PLPP4: variants seen among roughly 807,000 people sequenced by gnomAD.
The protein encoded by PLPP4 is phospholipid phosphatase 4.
PLPP4 carries 20 observed loss-of-function variants against 32.2 expected under a neutral mutation model. That is an observed-to-expected ratio of 0.62 (90% CI 0.44 to 0.90). The LOEUF (loss-of-function observed/expected upper bound fraction) is 0.90, where lower values mean the gene tolerates loss of function less well. Ranked by LOEUF, PLPP4 falls within the 40% of genes least tolerant of loss-of-function variation. PLPP4 has a pLI of 0.00. For missense variants in PLPP4, 257 were observed against 353.1 expected, an observed-to-expected ratio of 0.73 and a Z score of 2.18; for synonymous variants, 127 against 133.0, an observed-to-expected ratio of 0.95 and a Z score of 0.31.
chr10:120,590,322 A>G lies in PLPP4; in HGVS notation c.*820A>G, dbSNP rs371729486. On this transcript the variant is annotated 3_prime_UTR_variant, in exon 7 of 7. Transcript: ENST00000398250. The stretch of plus-strand genomic sequence containing the variant: ...CAAGAAGTGATGTGACCGATCTCAC[A>G]GATCAGAAACCGCATGCCTGGGGCT... 2.0e-4 allele frequency among the ~76,000 whole-genome samples: 31 copies of G among 152,360 alleles called. No homozygotes were observed. The highest frequency in any genetic ancestry group is 8.3e-4 in the South Asian group (4 of 4,826).
chr10:120,476,135 G>A (rs1843895038), intron 1 of PLPP4, among the ~76,000 whole-genome samples: 1 of 152,192 alleles, frequency 6.6e-6, no homozygotes, highest in African/African-American at 2.4e-5. Context: ...TGGGTGGGAA[G>A]AATGGTGGCT....
At chr10:120,581,447 G>A (rs1305623228) in intron 6 of PLPP4, 1 of 303,660 alleles carries the variant, frequency 3.3e-6, no homozygotes, top group Admixed American at 6.5e-5. Context: ...GCCTGCGTTA[G>A]CACATGTCAC....
rs1179068011 is a variant in PLPP4 at position 120,460,999 on chromosome 10, G to T, written c.56+3638G>T. ...CATCCAGCCCCAGGCTTCCAGACTG[G>T]TGCTAAACTGACCACATCCTGTGAG... On this transcript the variant is annotated intron_variant, in intron 1 of 6. Transcript: ENST00000398250. 3.9e-5 allele frequency among the ~76,000 whole-genome samples: 6 copies of T among 152,160 alleles called. No homozygotes were observed. In the South Asian group the frequency reaches 1.2e-3, roughly 32 times the overall value.
chr10:120,543,056 G>C (rs12217738), intron 5 of PLPP4, among the ~76,000 whole-genome samples: 6,685 of 152,280 alleles, frequency 0.044, 244 homozygotes, highest in South Asian at 0.2. Context: ...CGGTGGGTGA[G>C]TGTGGGTGTG....
chr10:120,531,841 CAT>C (rs1346205160), intron 5 of PLPP4, among the ~76,000 whole-genome samples: 1 of 150,722 alleles, frequency 6.6e-6, no homozygotes, highest in Non-Finnish European at 1.5e-5. Context: ...ACACACTACA[CAT>C]ATATATGTGT....
intron 2 of PLPP4, among the ~76,000 whole-genome samples, chr10:120,504,317 G>A (rs1239692857): frequency 1.3e-5 from 2 of 152,186 alleles, no homozygotes; most frequent in Admixed American, 1.3e-4. Flanking sequence ...GTCTCCATTG[G>A]CTGGAGCCAG....
Position 120,589,574 on chromosome 10 carries a change from T to C in PLPP4, c.*72T>C. The C allele has an allele frequency of 8.3e-7, 1 of 1,204,120 alleles. No homozygotes were observed. Among genetic ancestry groups the C allele is most frequent in the Non-Finnish European group, 1.2e-6 (1 of 848,626 alleles). The allele number at this position is 1,204,120 out of a possible 1,614,324, so 74.6% of individuals were successfully genotyped here. A position where few individuals can be genotyped will look rare whatever the true frequency, so the allele number is the denominator to read the frequency against. On this transcript the variant is annotated 3_prime_UTR_variant, in exon 7 of 7. Coordinates refer to ENST00000398250, the MANE Select transcript of PLPP4 (RefSeq NM_001030059.3). Reference sequence around the variant, plus strand: ...CCCTGACATCATAACACAATAGAAATGGTTTTCTGTAGTGTATTTTTCATC... The same window carrying C: ...CCCTGACATCATAACACAATAGAAACGGTTTTCTGTAGTGTATTTTTCATC...
At chr10:120,577,859 A>T (rs1401675531) in intron 6 of PLPP4, among the ~76,000 whole-genome samples, 1 of 152,152 alleles carries the variant, frequency 6.6e-6, no homozygotes. Context: ...ATTTTACCTG[A>T]GTTCCCCTTC....
intron 4 of PLPP4, among the ~76,000 whole-genome samples, chr10:120,520,476 G>A (rs1157240589): frequency 6.6e-6 from 1 of 152,222 alleles, no homozygotes; most frequent in Admixed American, 6.5e-5. Context: ...TGAGACCTAT[G>A]GATTGGCATT....
At chr10:120,557,215 A>G (rs546476436) in intron 5 of PLPP4, among the ~76,000 whole-genome samples, 2 of 152,358 alleles carry the variant, frequency 1.3e-5, no homozygotes, top group Non-Finnish European at 2.9e-5. Flanking sequence ...CTCAAGAAAT[A>G]GCTGCATTAG....
intron 5 of PLPP4, among the ~76,000 whole-genome samples, chr10:120,537,760 A>T (rs1438368212): frequency 6.6e-6 from 1 of 152,208 alleles, no homozygotes; most frequent in African/African-American, 2.4e-5. Flanking sequence ...ATCTTTTCAC[A>T]ATAAATACAT....
intron 2 of PLPP4, among the ~76,000 whole-genome samples, chr10:120,512,932 A>G (rs1489678731): frequency 6.6e-6 from 1 of 152,220 alleles, no homozygotes; most frequent in Non-Finnish European, 1.5e-5. Flanking sequence ...TTCCAGAATT[A>G]TGAACACTAT....
rs1198936415 is a variant in PLPP4 at position 120,591,628 on chromosome 10, C to T, written c.*2126C>T. Among the ~76,000 whole-genome samples, 1 of 150,646 alleles carries T rather than the reference C, an allele frequency of 6.6e-6. No homozygotes were observed. Among genetic ancestry groups the T allele is most frequent in the Non-Finnish European group, 1.5e-5 (1 of 67,678 alleles). On this transcript the variant is annotated 3_prime_UTR_variant, in exon 7 of 7. Coordinates refer to ENST00000398250, the MANE Select transcript of PLPP4 (RefSeq NM_001030059.3). ...CCTTTGCTACTGTTAAAAAAAAAAA[C>T]CCCATCCTGATGTGGCCCACATTCT...
intron 5 of PLPP4, among the ~76,000 whole-genome samples, chr10:120,532,657 A>C (rs895690911): frequency 2.6e-5 from 4 of 152,106 alleles, no homozygotes; most frequent in Non-Finnish European, 5.9e-5. Context: ...CCAGACCTAA[A>C]CAAACATTGA....
intron 1 of PLPP4, among the ~76,000 whole-genome samples, chr10:120,496,493 A>T (rs1457244074): frequency 6.6e-6 from 1 of 152,136 alleles, no homozygotes; most frequent in Non-Finnish European, 1.5e-5. Context: ...ATTTCATGAG[A>T]CCAACTACTG....
At chr10:120,552,400 A>G (rs568133098) in intron 5 of PLPP4, among the ~76,000 whole-genome samples, 34 of 152,316 alleles carry the variant, frequency 2.2e-4, no homozygotes, top group Admixed American at 1.9e-3. Flanking sequence ...ATTGAAGCCA[A>G]AATCAGGGTG....
At chr10:120,580,221 G>A (rs1589925979) in intron 6 of PLPP4, among the ~76,000 whole-genome samples, 1 of 152,158 alleles carries the variant, frequency 6.6e-6, no homozygotes, top group South Asian at 2.1e-4. Flanking sequence ...TAAAATATAG[G>A]GTTTCTCTAA....
At chr10:120,589,201 C>A (rs1849903727) in intron 6 of PLPP4, 102 bp from the exon 7 acceptor site, 1 of 1,159,004 alleles carries the variant, frequency 8.6e-7, no homozygotes, top group Non-Finnish European at 1.3e-6. Flanking sequence ...GTAAGCAAAC[C>A]AGGTCCTAGA....
At chr10:120,504,356 G>A (rs1353178524) in intron 2 of PLPP4, among the ~76,000 whole-genome samples, 2 of 152,162 alleles carry the variant, frequency 1.3e-5, no homozygotes, top group Non-Finnish European at 2.9e-5. Flanking sequence ...ATACCCGATT[G>A]GCTAACAGCT....
Sources: gnomAD v4.1 joint callset for allele counts (sites outside exome capture counted in the v4.1 genomes callset) on GRCh38, gnomAD v4.1.1 for gene constraint, MANE v1.5 for transcripts, NCBI Gene and HGNC (gene_info 2026-07-23, HGNC 2026-07-21) for gene names.